The following ZNF429 variants were observed in gnomAD, a reference collection of about 807,000 sequenced individuals.
The protein encoded by ZNF429 is zinc finger protein 429.
A neutral mutation model predicts 56.8 loss-of-function variants in ZNF429; 53 were observed. The observed-to-expected ratio is 0.93, with a 90% CI of 0.75 to 1.17. The LOEUF (loss-of-function observed/expected upper bound fraction) is 1.17, where lower values mean the gene tolerates loss of function less well. ZNF429 is among the 50% of genes most tolerant of loss of function. ZNF429 has a pLI of 0.00. For synonymous variants in ZNF429, 278 were observed against 264.7 expected, an observed-to-expected ratio of 1.05 and a Z score of -0.49; for missense variants, 849 against 788.4, an observed-to-expected ratio of 1.08 and a Z score of -0.92.
Position 21,536,925 on chromosome 19 carries a change from G to C in ZNF429, c.872G>C (p.Gly291Ala). The change falls in exon 4 of 4, where the codon GGC (glycine) becomes GCC (alanine). Residue 291 changes from glycine (G) to alanine (A), a missense_variant. Gly to Ala is a moderately conservative substitution (Grantham distance 60, BLOSUM62 0). Transcript: ENST00000358491. ...AAGCCCTACAAATGTGATGAATGTG[G>C]CAAAACCTTTAGCATATCCTCAACC... Reference protein sequence around the residue: ...GEKPYKCDECGKTFSISSTFT... With the variant: ...GEKPYKCDECAKTFSISSTFT... 2 of 1,612,288 alleles carry C rather than the reference G, an allele frequency of 1.2e-6. No individual in the cohort carries two copies. Among genetic ancestry groups the C allele is most frequent in the Non-Finnish European group, 1.7e-6 (2 of 1,179,136 alleles).
intron 1 of ZNF429, among the ~76,000 whole-genome samples, chr19:21,516,040 TTTTG>T (rs2032722679): frequency 6.6e-6 from 1 of 151,936 alleles, no homozygotes; most frequent in Non-Finnish European, 1.5e-5. Flanking sequence ...CAGCTTTGTT[TTTTG>T]TTTTTTTGTT....
At chr19:21,523,539 A>G (rs999114593) in intron 1 of ZNF429, among the ~76,000 whole-genome samples, 2 of 152,228 alleles carry the variant, frequency 1.3e-5, no homozygotes, top group African/African-American at 2.4e-5. Context: ...ACTGGACACT[A>G]TAGCCCATAC....
intron 1 of ZNF429, among the ~76,000 whole-genome samples, chr19:21,513,588 C>T (rs2032601842): frequency 6.6e-6 from 1 of 152,126 alleles, no homozygotes; most frequent in South Asian, 2.1e-4. Flanking sequence ...CATTGAGTTG[C>T]TGTTGGAGAA....
In ZNF429 at chr19:21,537,140, C is replaced by A. The variant is rs2033723289; in HGVS notation, c.1087C>A (p.His363Asn). The A allele has an allele frequency of 2.5e-6, 4 of 1,613,612 alleles. No homozygotes were observed. The highest frequency in any genetic ancestry group is 3.4e-6 in the Non-Finnish European group (4 of 1,179,894). Residue 363 changes from histidine (H) to asparagine (N), a missense_variant, in exon 4 of 4, where the codon CAT becomes AAT. His to Asn is a moderately conservative substitution (Grantham distance 68, BLOSUM62 1). Coordinates refer to ENST00000358491, the MANE Select transcript of ZNF429 (RefSeq NM_001001415.4). ...SSTLTKHKVI[H>N]TGEKPYKCEE... Reference sequence around the variant, plus strand: ...AACTCTTACTAAACATAAGGTAATTCATACTGGAGAGAAGCCCTACAAATG... The same window carrying A: ...AACTCTTACTAAACATAAGGTAATTAATACTGGAGAGAAGCCCTACAAATG...
At position 21,536,790 on chromosome 19, in the gene ZNF429, A is replaced by C. The variant is rs1568432726; in HGVS notation, c.737A>C (p.Asn246Thr). ...TTTAACCACTACTCAACCCTTACTA[A>C]CCATAAGAGAATTCATACTGGAGAG... The part of the protein sequence containing the change: ...KAFNHYSTLT[N>T]HKRIHTGEKP... Residue 246 changes from asparagine to threonine, a missense_variant, in exon 4 of 4, where the codon AAC becomes ACC. Transcript: ENST00000358491. 6.2e-7 allele frequency: 1 copy of C among 1,613,606 alleles called. No homozygotes were observed. The highest frequency in any genetic ancestry group is 8.5e-7 in the Non-Finnish European group (1 of 1,179,860).
At chr19:21,507,981 G>A (rs1449149560) in intron 1 of ZNF429, among the ~76,000 whole-genome samples, 4 of 152,126 alleles carry the variant, frequency 2.6e-5, no homozygotes, top group East Asian at 1.9e-4. Flanking sequence ...TGCCAGGCAC[G>A]GTGGCTCACG....
At chr19:21,535,417 TTTCTTTCTTTCTTTCTTTCTTTC>T in intron 3 of ZNF429, among the ~76,000 whole-genome samples, 2,888 of 53,106 alleles carry the variant, frequency 0.054, 505 homozygotes, top group Middle Eastern at 0.11. Context: ...TTTTCTTTTC[TTTCTTTCTTTCTTTCTTTCTTTC>T]TTTCTTTCTT....
rs8102740 is a variant in ZNF429, at chr19:21,539,304, C to T, written c.*1226C>T. ...ACAGTAGAAACAACTAAGACACAAA[C>T]ACTTGAGACATTACACTAAAGTGCT... On this transcript the variant is annotated 3_prime_UTR_variant, in exon 4 of 4. Transcript: ENST00000358491. 7.8e-3 allele frequency among the ~76,000 whole-genome samples: 1,183 copies of T among 151,870 alleles called. 19 individuals are homozygous for T. The highest frequency in any genetic ancestry group is 0.028 in the African/African-American group (1,144 of 41,224).
At chr19:21,521,068 T>C (rs2032969890) in intron 1 of ZNF429, among the ~76,000 whole-genome samples, 1 of 152,232 alleles carries the variant, frequency 6.6e-6, no homozygotes. Context: ...AAATTATTTA[T>C]ACATAGATAT....
At position 21,535,431 on chromosome 19, in the gene ZNF429, T is replaced by TTTTA; in HGVS notation, c.227-849_227-848insTTTA. Among the ~76,000 whole-genome samples, 4 of 22,544 alleles carry TTTTA rather than the reference T, an allele frequency of 1.8e-4. 1 individual carries two copies. Among genetic ancestry groups the TTTTA allele is most frequent in the African/African-American group, 9.5e-4 (4 of 4,226 alleles). 14.8% of individuals were successfully genotyped at this position (22,544 alleles called of 152,430 possible). On this transcript the variant is annotated intron_variant, in intron 3 of 3. Transcript: ENST00000358491. ...TTTTTCTTTTCTTTCTTTCTTTCTT[T>TTTTA]CTTTCTTTCTTTCTTTCTTTCTTTC... is the stretch of plus-strand genomic sequence containing the variant.
At chr19:21,531,271 C>G in intron 3 of ZNF429, among the ~76,000 whole-genome samples, 1 of 151,988 alleles carries the variant, frequency 6.6e-6, no homozygotes, top group African/African-American at 2.4e-5. Flanking sequence ...GACCCTAGTA[C>G]AGACCCCGCA....
At chr19:21,509,444 C>T (rs1040579427) in intron 1 of ZNF429, among the ~76,000 whole-genome samples, 3 of 152,134 alleles carry the variant, frequency 2.0e-5, no homozygotes, top group Non-Finnish European at 4.4e-5. Flanking sequence ...CTGGATTTTT[C>T]GAACACTTAG....
chr19:21,530,909 C>G, intron 3 of ZNF429, among the ~76,000 whole-genome samples: 2 of 151,918 alleles, frequency 1.3e-5, no homozygotes, highest in East Asian at 3.9e-4. Context: ...CATTTGAGAC[C>G]AGCCTGGCCA....
chr19:21,531,402 C>T, intron 3 of ZNF429, among the ~76,000 whole-genome samples: 122,437 of 152,060 alleles, frequency 0.81, 49,935 homozygotes, highest in African/African-American at 0.94. Flanking sequence ...GAAGAGGTGT[C>T]TGCTTCTTCA....
At chr19:21,534,929 C>T in intron 3 of ZNF429, among the ~76,000 whole-genome samples, 21 of 151,190 alleles carry the variant, frequency 1.4e-4, no homozygotes, top group African/African-American at 4.9e-4. Context: ...CCTGCCTCAG[C>T]CTCCCGAGTA....
chr19:21,506,490 T>G (rs1165405354), intron 1 of ZNF429, among the ~76,000 whole-genome samples: 1 of 151,086 alleles, frequency 6.6e-6, no homozygotes, highest in African/African-American at 2.4e-5. Flanking sequence ...ATTAAAGAAT[T>G]TAATTAAAGA....
In ZNF429 at chr19:21,519,866, AT is replaced by A. The variant is rs33916077; in HGVS notation, c.4-9777del. 2.3e-3 allele frequency among the ~76,000 whole-genome samples: 338 copies of A among 145,080 alleles called. 1 individual carries two copies. Among genetic ancestry groups the A allele is most frequent in the East Asian group, 2.8e-3 (14 of 4,920 alleles). On this transcript the variant is annotated intron_variant, in intron 1 of 3. Transcript: ENST00000358491. ...TTGCTGTATTCATGTGCACCCATGA[AT>A]TTTTTTTTTTTTTTGAGACAGTTTC...
At chr19:21,516,215 T>C (rs547281953) in intron 1 of ZNF429, among the ~76,000 whole-genome samples, 25 of 152,130 alleles carry the variant, frequency 1.6e-4, no homozygotes, top group African/African-American at 5.8e-4. Flanking sequence ...ACTACAAGCA[T>C]GTGCCACTAT....
intron 1 of ZNF429, among the ~76,000 whole-genome samples, chr19:21,509,167 C>T (rs1333228144): frequency 6.6e-6 from 1 of 152,038 alleles, no homozygotes; most frequent in Non-Finnish European, 1.5e-5. Flanking sequence ...CACTGTCGCG[C>T]CAGCCTATTT....
Sources: allele counts gnomAD v4.1 joint callset (sites outside exome capture counted in the v4.1 genomes callset), GRCh38; gene constraint gnomAD v4.1.1; transcripts MANE v1.5; gene names NCBI Gene and HGNC (gene_info 2026-07-23, HGNC 2026-07-21).